Variants in GTF3C1 observed in about 807,000 individuals in gnomAD.
GTF3C1 encodes the protein general transcription factor 3C polypeptide 1.
Under a neutral mutation model 226.7 loss-of-function variants are expected in GTF3C1, and 57 were observed. The ratio of observed to expected loss-of-function variants is 0.25; its 90% confidence interval spans 0.20 to 0.31. The LOEUF (loss-of-function observed/expected upper bound fraction) is 0.31, where lower values mean the gene tolerates loss of function less well. GTF3C1 is among the 10% of genes least tolerant of loss of function. GTF3C1 has a pLI of 1.00. For missense variants in GTF3C1, 2,217 were observed against 2,776.1 expected (o/e 0.80, Z 4.53); for synonymous variants, 1,090 against 1,084.8 (o/e 1.00, Z -0.09).
intron 27 of GTF3C1, 125 bp downstream of exon 27, chr16:27,480,954 C>T (rs2088034979): frequency 1.4e-6 from 1 of 732,838 alleles, no homozygotes; most frequent in Non-Finnish European, 2.4e-6. Flanking sequence ...AGGAGGGCCA[C>T]TGCAAGGCCA....
intron 14 of GTF3C1, 29 bp downstream of exon 14, chr16:27,497,608 C>T: frequency 3.8e-6 from 6 of 1,572,524 alleles, no homozygotes; most frequent in Non-Finnish European, 4.4e-6. Context: ...TCAAATGTAA[C>T]TAAACACAGA....
intron 6 of GTF3C1, among the ~76,000 whole-genome samples, chr16:27,516,169 C>T (rs2088655283): frequency 6.6e-6 from 1 of 152,244 alleles, no homozygotes; most frequent in South Asian, 2.1e-4. Context: ...CAAAGCTGCC[C>T]TCTGGTCACG....
At chr16:27,538,836 A>G (rs2089038938) in intron 2 of GTF3C1, among the ~76,000 whole-genome samples, 1 of 151,996 alleles carries the variant, frequency 6.6e-6, no homozygotes, top group Admixed American at 6.6e-5. Context: ...TATTCTCATC[A>G]TTCAGGTCGC....
chr16:27,530,893 C>G (rs1257101869), intron 5 of GTF3C1, among the ~76,000 whole-genome samples: 1 of 152,200 alleles, frequency 6.6e-6, no homozygotes, highest in Admixed American at 6.5e-5. Flanking sequence ...GGCTTCATCT[C>G]GAGATCCTCC....
rs533860240 is a variant in GTF3C1 at position 27,484,548 on chromosome 16, T to C, written c.3859-195A>G. Among the ~76,000 whole-genome samples, 22 of 152,254 alleles carry C rather than the reference T, an allele frequency of 1.4e-4. No homozygotes were observed. In the South Asian group the frequency reaches 4.1e-3, roughly 29 times the overall value. ...GAGGGAGATTCTGGGCAGACAAGTATAGGACGAGGCCTCAGTGACCAGCGG... is the reference window on the plus strand; with the variant it reads ...GAGGGAGATTCTGGGCAGACAAGTACAGGACGAGGCCTCAGTGACCAGCGG... On this transcript the variant is annotated intron_variant, in intron 24 of 36. Coordinates refer to ENST00000356183, the MANE Select transcript of GTF3C1 (RefSeq NM_001520.4).
intron 6 of GTF3C1, among the ~76,000 whole-genome samples, chr16:27,527,043 G>C (rs1335247129): frequency 6.6e-6 from 1 of 152,182 alleles, no homozygotes; most frequent in African/African-American, 2.4e-5. Flanking sequence ...CGTCTCTACT[G>C]AAAATAAAAA....
intron 20 of GTF3C1, 94 bp downstream of exon 20, chr16:27,489,508 C>G: frequency 9.9e-7 from 1 of 1,007,374 alleles, no homozygotes; most frequent in South Asian, 1.5e-5. Context: ...GCCGTCTGGC[C>G]TGACATCCTA....
chr16:27,469,393 T>C lies in GTF3C1; in HGVS notation c.4972A>G (p.Ser1658Gly), dbSNP rs1341259662. The C allele has an allele frequency of 1.2e-6, 2 of 1,613,396 alleles. No individual in the cohort carries two copies. ...MRGYYSPGIV[S>G]TRNLNPNDSI... ...TCGTTGGGGTTGAGGTTGCGGGTGCTGACGATGCCGGGGGAGTAGTAGCCC... is the reference window on the plus strand; with the variant it reads ...TCGTTGGGGTTGAGGTTGCGGGTGCCGACGATGCCGGGGGAGTAGTAGCCC... The change falls in exon 32 of 37, where the codon AGC (serine) becomes GGC (glycine). Residue 1658 changes from serine to glycine, a missense_variant. Transcript: ENST00000356183. This position sits in a 1 kb window ranked among gnomAD's most constrained non-coding sequence, Gnocchi z 4.5.
chr16:27,525,932 A>T (rs1263663437), intron 6 of GTF3C1, among the ~76,000 whole-genome samples: 1 of 115,590 alleles, frequency 8.7e-6, no homozygotes, highest in Non-Finnish European at 1.7e-5. Flanking sequence ...TCCCTACTTT[A>T]TTTCAGTATC....
chr16:27,483,529 C>T (rs2088088832), intron 25 of GTF3C1: 1 of 457,562 alleles, frequency 2.2e-6, no homozygotes, highest in Admixed American at 2.4e-5. Context: ...GGTGTGTCCA[C>T]TCCACTAACC....
chr16:27,549,531 TACC>T, intron 1 of GTF3C1, 136 bp downstream of exon 1: 1 of 621,940 alleles, frequency 1.6e-6, no homozygotes, highest in Non-Finnish European at 2.8e-6. Flanking sequence ...AGATTAGCCT[TACC>T]GCCGTGCCCC....
chr16:27,470,112 T>C lies in GTF3C1; in HGVS notation c.4810A>G (p.Lys1604Glu), dbSNP rs2087845864. ...CTGCGGATGCCGGACTCTTACCTTT[T>C]GATGACCTCATTCTCCACCATTGAG... Reference protein sequence around the residue: ...DSSMVENEVIKSLGKDGSLED... With the variant: ...DSSMVENEVIESLGKDGSLED... The change falls in exon 31 of 37, where the codon AAA (lysine) becomes GAA (glutamate). Residue 1604 changes from lysine to glutamate, a missense_variant. By Grantham distance (56) the Lys-to-Glu change is moderately conservative. Coordinates refer to ENST00000356183, the MANE Select transcript of GTF3C1 (RefSeq NM_001520.4). This position sits in a 1 kb window ranked among gnomAD's most constrained non-coding sequence, Gnocchi z 4.9. The C allele has an allele frequency of 6.2e-7, 1 of 1,612,336 alleles. No homozygotes were observed. The highest frequency in any genetic ancestry group is 8.5e-7 in the Non-Finnish European group (1 of 1,178,786).
Position 27,511,695 on chromosome 16 carries a change from C to A in GTF3C1, c.1126+54G>T. The A allele has an allele frequency of 2.5e-6, 4 of 1,593,026 alleles. No homozygotes were observed. In the East Asian group the frequency reaches 8.9e-5, roughly 36 times the overall value. Reference sequence around the variant, plus strand: ...CTCTCGACATGTGGGCAAAGCGCTTCTTGACTCAAATTCTCGGGATCCATA... The same window carrying A: ...CTCTCGACATGTGGGCAAAGCGCTTATTGACTCAAATTCTCGGGATCCATA... On this transcript the variant is annotated intron_variant, in intron 7 of 36. Transcript: ENST00000356183.
intron 6 of GTF3C1, among the ~76,000 whole-genome samples, chr16:27,521,143 C>T (rs368188345): frequency 2.0e-5 from 3 of 152,346 alleles, no homozygotes; most frequent in East Asian, 1.9e-4. Context: ...AGGCCACATC[C>T]GTCACTGAGA....
chr16:27,463,437 C>G lies in GTF3C1; in HGVS notation c.5924+104G>C. 1.3e-6 allele frequency: 1 copy of G among 741,170 alleles called. No homozygotes were observed. Among genetic ancestry groups the G allele is most frequent in the South Asian group, 1.5e-5 (1 of 65,894 alleles). 45.9% of individuals were successfully genotyped at this position (741,170 alleles called of 1,614,324 possible). A position where few individuals can be genotyped will look rare whatever the true frequency, so the allele number is the denominator to read the frequency against. On this transcript the variant is annotated intron_variant, in intron 35 of 36. Transcript: ENST00000356183. The surrounding 1 kb of genome is among the most constrained non-coding windows in gnomAD (Gnocchi z 4.9). ...CAAGGTGCCGGGCAGGCTGTCAGAG[C>G]TGGTACCTGGGGAAAGACCCTCAAA... is the stretch of plus-strand genomic sequence containing the variant.
chr16:27,489,193 A>G lies in GTF3C1; in HGVS notation c.3294-15T>C. On this transcript the variant is annotated splice_polypyrimidine_tract_variant and intron_variant, in intron 20 of 36. Coordinates refer to ENST00000356183, the MANE Select transcript of GTF3C1 (RefSeq NM_001520.4). ...CACGGCTTCCACTAAAAGACAGGAA[A>G]TCAACAGAAAAGAGCCCTTCTTGGT... The G allele has an allele frequency of 4.3e-6, 7 of 1,613,552 alleles. No homozygotes were observed. The highest frequency in any genetic ancestry group is 5.9e-6 in the Non-Finnish European group (7 of 1,179,528).
chr16:27,548,031 C>T (rs189175668), intron 1 of GTF3C1, among the ~76,000 whole-genome samples: 1 of 152,292 alleles, frequency 6.6e-6, no homozygotes, highest in East Asian at 1.9e-4. Flanking sequence ...CACTTGACCC[C>T]TCAGGGCCTC....
intron 5 of GTF3C1, among the ~76,000 whole-genome samples, chr16:27,529,932 C>G (rs1386948239): frequency 6.6e-6 from 1 of 152,212 alleles, no homozygotes; most frequent in Non-Finnish European, 1.5e-5. Context: ...TTTCTTAAAC[C>G]TATCCTGTAT....
intron 1 of GTF3C1, among the ~76,000 whole-genome samples, chr16:27,549,356 C>T (rs2089234440): frequency 6.6e-6 from 1 of 152,128 alleles, no homozygotes; most frequent in African/African-American, 2.4e-5. Flanking sequence ...CTAATCCTAT[C>T]CTCCAATGTA....
Sources: allele counts gnomAD v4.1 joint callset (sites outside exome capture counted in the v4.1 genomes callset), GRCh38; gene constraint gnomAD v4.1.1; non-coding constraint Gnocchi (gnomAD v3.1); transcripts MANE v1.5; gene names NCBI Gene and HGNC (gene_info 2026-07-23, HGNC 2026-07-21).